The following MIGA1 variants were observed in gnomAD, a reference collection of about 807,000 sequenced individuals.
MIGA1 encodes the protein family with sequence similarity 73, member A.
MIGA1 carries 58 observed loss-of-function variants against 82.0 expected under a neutral mutation model. The observed-to-expected ratio is 0.71, with a 90% CI of 0.57 to 0.88. MIGA1 has a LOEUF of 0.88. MIGA1 is among the 40% of genes least tolerant of loss of function. The pLI, the probability that MIGA1 is intolerant of heterozygous loss-of-function variation, is 0.00. For missense variants in MIGA1, 751 were observed against 749.1 expected, an observed-to-expected ratio of 1.00 and a Z score of -0.03; for synonymous variants, 249 against 253.6, an observed-to-expected ratio of 0.98 and a Z score of 0.17.
At chr1:77,788,646 T>G (rs1201619103) in intron 2 of MIGA1, among the ~76,000 whole-genome samples, 1 of 152,222 alleles carries the variant, frequency 6.6e-6, no homozygotes, top group African/African-American at 2.4e-5. Context: ...AATTTTTGTA[T>G]GTATTATTAG....
intron 5 of MIGA1, chr1:77,811,777 G>T: frequency 6.3e-7 from 1 of 1,579,680 alleles, no homozygotes; most frequent in Non-Finnish European, 8.6e-7. Context: ...GGTCACCTCC[G>T]ACATGGCCGG....
chr1:77,861,972 C>A (rs1685471731), intron 12 of MIGA1: 1 of 148,276 alleles, frequency 6.7e-6, no homozygotes, highest in Admixed American at 6.8e-5. Flanking sequence ...AAAACCTTGT[C>A]TCTACTGAAA....
At chr1:77,869,289 CAGA>C (rs1308198808) in intron 14 of MIGA1, among the ~76,000 whole-genome samples, 1 of 141,054 alleles carries the variant, frequency 7.1e-6, no homozygotes, top group Non-Finnish European at 1.5e-5. Context: ...GATCCCAAGG[CAGA>C]AGAATTTTTC....
At chr1:77,779,894 G>A (rs1019459515) in intron 1 of MIGA1, 158 bp downstream of exon 1, 1 of 1,423,964 alleles carries the variant, frequency 7.0e-7, no homozygotes, top group Non-Finnish European at 9.1e-7. Context: ...CGGAAAGCCA[G>A]AGGGTCTACG....
chr1:77,878,833 A>G lies in MIGA1; in HGVS notation c.*3769A>G, dbSNP rs968942100. 7.9e-6 allele frequency: 3 copies of G among 381,772 alleles called. No homozygotes were observed. Among genetic ancestry groups the G allele is most frequent in the Non-Finnish European group, 1.4e-5 (3 of 214,432 alleles). The allele number at this position is 381,772 out of a possible 1,614,324, so 23.6% of individuals were successfully genotyped here. ...GACAAGTTTTCCATACTGTCACAGTAAGCTCCAAAGAACTTTGTCTTTCTC... is the reference window on the plus strand; with the variant it reads ...GACAAGTTTTCCATACTGTCACAGTGAGCTCCAAAGAACTTTGTCTTTCTC... On this transcript the variant is annotated 3_prime_UTR_variant, in exon 16 of 16. Transcript: ENST00000370791.
intron 7 of MIGA1, among the ~76,000 whole-genome samples, chr1:77,826,050 TATTATA>T (rs1181182670): frequency 6.6e-6 from 1 of 152,232 alleles, no homozygotes; most frequent in East Asian, 1.9e-4. Flanking sequence ...ATCTATTCAT[TATTATA>T]ATTATAGTCT....
At chr1:77,805,123 T>C (rs902158628) in intron 4 of MIGA1, among the ~76,000 whole-genome samples, 4 of 151,292 alleles carry the variant, frequency 2.6e-5, no homozygotes, top group African/African-American at 9.7e-5. Flanking sequence ...GCCTCCCGAG[T>C]AGCTGGGACT....
chr1:77,793,013 A>G (rs1459725436), intron 2 of MIGA1, among the ~76,000 whole-genome samples: 1 of 150,686 alleles, frequency 6.6e-6, no homozygotes, highest in Non-Finnish European at 1.5e-5. Context: ...CTGGTCTTGA[A>G]CTCCTGACCT....
At chr1:77,818,907 C>T (rs1018345179) in intron 7 of MIGA1, among the ~76,000 whole-genome samples, 1 of 151,756 alleles carries the variant, frequency 6.6e-6, no homozygotes, top group African/African-American at 2.4e-5. Flanking sequence ...TGGTGAAACC[C>T]TGTCTCTTGT....
chr1:77,802,275 G>C (rs1000317623), intron 3 of MIGA1, among the ~76,000 whole-genome samples: 6 of 152,164 alleles, frequency 3.9e-5, no homozygotes, highest in Non-Finnish European at 7.3e-5. Context: ...CACTTGCTGA[G>C]ATTTTATTAG....
At position 77,811,558 on chromosome 1, in the gene MIGA1, G is replaced by A. The variant is rs747601027; in HGVS notation, c.638-2176G>A. On this transcript the variant is annotated intron_variant, in intron 5 of 15. Coordinates refer to ENST00000370791, the MANE Select transcript of MIGA1 (RefSeq NM_198549.4). ...TTGAGACTGTGTGGACTGTAAAGCT[G>A]CACTTCGCAATTCCAAGCATGTTGC... The A allele has an allele frequency of 4.3e-6, 7 of 1,609,970 alleles. No individual in the cohort carries two copies. In the Admixed American group the frequency reaches 5.0e-5, roughly 11 times the overall value.
chr1:77,869,099 G>A (rs1445748430), intron 14 of MIGA1, among the ~76,000 whole-genome samples: 1 of 151,412 alleles, frequency 6.6e-6, no homozygotes, highest in Non-Finnish European at 1.5e-5. Context: ...GCCTTCCGCA[G>A]TGTTTGTGTC....
intron 7 of MIGA1, among the ~76,000 whole-genome samples, chr1:77,842,022 A>G (rs148644337): frequency 0.027 from 3,962 of 149,328 alleles, 92 homozygotes; most frequent in South Asian, 0.11. Flanking sequence ...GACTCAAGTG[A>G]TCCTCCTGCC....
In MIGA1 at chr1:77,840,936, C is replaced by T. The variant is rs929336121; in HGVS notation, c.896-2371C>T. Among the ~76,000 whole-genome samples the T allele has an allele frequency of 5.9e-5, 9 of 152,134 alleles. No individual in the cohort carries two copies. The South Asian group carries it at 6.2e-4, about 11-fold the overall frequency. On this transcript the variant is annotated intron_variant, in intron 7 of 15. Coordinates refer to ENST00000370791, the MANE Select transcript of MIGA1 (RefSeq NM_198549.4). ...TGAGAATGGAAAATAATTAAGATAA[C>T]GCTTTGAAGGTTGTACACGAGGATT...
intron 2 of MIGA1, among the ~76,000 whole-genome samples, chr1:77,786,413 C>A (rs901965112): frequency 6.6e-6 from 1 of 152,224 alleles, no homozygotes; most frequent in African/African-American, 2.4e-5. Flanking sequence ...CCTGCTTGAA[C>A]TTCTCAGAAA....
chr1:77,861,632 G>T, intron 12 of MIGA1: 1 of 273,726 alleles, frequency 3.7e-6, no homozygotes, highest in Non-Finnish European at 6.9e-6. Context: ...CAGGAATGGT[G>T]GCCCATGCAA....
intron 2 of MIGA1, among the ~76,000 whole-genome samples, chr1:77,791,298 G>C (rs1023791743): frequency 1.3e-5 from 2 of 149,984 alleles, no homozygotes; most frequent in Non-Finnish European, 3.0e-5. Context: ...AGTCACACAG[G>C]CTGTTACCTT....
intron 2 of MIGA1, among the ~76,000 whole-genome samples, chr1:77,791,417 A>T (rs1238333961): frequency 3.3e-5 from 5 of 152,020 alleles, no homozygotes; most frequent in Admixed American, 2.6e-4. Flanking sequence ...GTATGTATGG[A>T]TGTACCACAA....
At chr1:77,837,833 A>G (rs1684487796) in intron 7 of MIGA1, among the ~76,000 whole-genome samples, 2 of 152,298 alleles carry the variant, frequency 1.3e-5, no homozygotes, top group South Asian at 2.1e-4. Flanking sequence ...GGCATTATAC[A>G]CTACTACTAT....
Sources: gnomAD v4.1 joint callset for allele counts (sites outside exome capture counted in the v4.1 genomes callset) on GRCh38, gnomAD v4.1.1 for gene constraint, MANE v1.5 for transcripts, NCBI Gene and HGNC (gene_info 2026-07-23, HGNC 2026-07-21) for gene names.